IGSF21: variants seen among roughly 807,000 people sequenced by gnomAD.
IGSF21 encodes the protein immunoglobin superfamily member 21, also known as immunoglobulin superfamily member 21.
IGSF21 carries 28 observed loss-of-function variants against 46.8 expected under a neutral mutation model. The observed-to-expected ratio is 0.60, with a 90% CI of 0.44 to 0.82. The LOEUF is 0.82. IGSF21 is among the 40% of genes least tolerant of loss of function. The pLI, the probability that IGSF21 is intolerant of heterozygous loss-of-function variation, is 0.00. For missense variants in IGSF21, 624 were observed against 665.5 expected (o/e 0.94, Z 0.69); for synonymous variants, 284 against 273.6 (o/e 1.04, Z -0.38).
chr1:18,273,031 AGAC>A (rs1301629719), intron 2 of IGSF21, among the ~76,000 whole-genome samples: 1 of 115,284 alleles, frequency 8.7e-6, no homozygotes, highest in Non-Finnish European at 1.9e-5. Flanking sequence ...ACTAGCAGCC[AGAC>A]GGATCTTTTT....
At chr1:18,130,756 G>T (rs142918711) in intron 1 of IGSF21, among the ~76,000 whole-genome samples, 2,072 of 152,294 alleles carry the variant, frequency 0.014, 24 homozygotes, top group South Asian at 0.035. Flanking sequence ...GAAAAAAAAT[G>T]TTACCTGAGA....
intron 3 of IGSF21, among the ~76,000 whole-genome samples, chr1:18,304,893 A>G (rs2085396629): frequency 6.6e-6 from 1 of 152,252 alleles, no homozygotes; most frequent in Non-Finnish European, 1.5e-5. Context: ...ACAGTTCAGA[A>G]TAAAGTATTT....
At chr1:18,323,026 C>T (rs949542457) in intron 3 of IGSF21, among the ~76,000 whole-genome samples, 2 of 152,128 alleles carry the variant, frequency 1.3e-5, no homozygotes, top group Admixed American at 6.5e-5. Context: ...TCGGGACCAG[C>T]GACCCCATAT....
chr1:18,245,255 A>G (rs1403373367), intron 2 of IGSF21, among the ~76,000 whole-genome samples: 1 of 152,206 alleles, frequency 6.6e-6, no homozygotes, highest in East Asian at 1.9e-4. Flanking sequence ...GAATTTTTAT[A>G]AAGAAAAATT....
intron 1 of IGSF21, among the ~76,000 whole-genome samples, chr1:18,161,097 T>A (rs1466543989): frequency 6.6e-6 from 1 of 152,060 alleles, no homozygotes; most frequent in Non-Finnish European, 1.5e-5. Context: ...GCACTTGAGA[T>A]CAGCAAACTC....
chr1:18,262,789 G>C (rs2084957913), intron 2 of IGSF21, among the ~76,000 whole-genome samples: 1 of 152,174 alleles, frequency 6.6e-6, no homozygotes, highest in African/African-American at 2.4e-5. Flanking sequence ...CAGCCATCCA[G>C]AGGCAAGCTT....
rs141120536 is a variant in IGSF21, at chr1:18,286,090, C to T, written c.184-5776C>T. On this transcript the variant is annotated intron_variant, in intron 2 of 9. Transcript: ENST00000251296. ...TGAGTGGCAGAGCTGGGATCTGATT[C>T]CAGAGCTGTGTGACCCCAAAAGCCT... Among the ~76,000 whole-genome samples, 340 of 152,296 alleles carry T rather than the reference C, an allele frequency of 2.2e-3. 2 individuals carry two copies. Among genetic ancestry groups the T allele is most frequent in the African/African-American group, 7.5e-3 (312 of 41,564 alleles).
At chr1:18,236,931 T>G (rs567093811) in intron 2 of IGSF21, among the ~76,000 whole-genome samples, 2 of 151,962 alleles carry the variant, frequency 1.3e-5, no homozygotes, top group African/African-American at 2.4e-5. Context: ...CTAGCTAGAG[T>G]GGGCTGAGGG....
At chr1:18,206,018 G>C (rs1424268271) in intron 1 of IGSF21, among the ~76,000 whole-genome samples, 1 of 152,212 alleles carries the variant, frequency 6.6e-6, no homozygotes, top group Non-Finnish European at 1.5e-5. Context: ...GAACAAAATA[G>C]ACAAAACCCA....
chr1:18,206,079 T>C (rs575953041), intron 1 of IGSF21, among the ~76,000 whole-genome samples: 8 of 152,326 alleles, frequency 5.3e-5, no homozygotes, highest in African/African-American at 1.7e-4. Context: ...ATTTTAAATA[T>C]GGTGTCAGGC....
chr1:18,318,438 T>A (rs935499054), intron 3 of IGSF21, among the ~76,000 whole-genome samples: 1 of 151,010 alleles, frequency 6.6e-6, no homozygotes, highest in Non-Finnish European at 1.5e-5. Context: ...TCTCCACTGA[T>A]AGGGTGCATG....
chr1:18,222,801 A>G (rs1275435934), intron 1 of IGSF21, among the ~76,000 whole-genome samples: 1 of 152,130 alleles, frequency 6.6e-6, no homozygotes, highest in African/African-American at 2.4e-5. Flanking sequence ...GGCTGGGGGA[A>G]TATTAATTGG....
At chr1:18,317,903 G>A (rs2124590848) in intron 3 of IGSF21, among the ~76,000 whole-genome samples, 1 of 152,318 alleles carries the variant, frequency 6.6e-6, no homozygotes, top group Admixed American at 6.5e-5. Flanking sequence ...AGGAGATGGA[G>A]ACACAGAGTG....
chr1:18,338,980 G>A (rs1018505162), intron 4 of IGSF21, among the ~76,000 whole-genome samples: 6 of 152,148 alleles, frequency 3.9e-5, no homozygotes, highest in South Asian at 4.1e-4. Context: ...CATCCCCACC[G>A]AAGTTAAAAG....
At chr1:18,229,483 T>G (rs2084602669) in intron 2 of IGSF21, among the ~76,000 whole-genome samples, 1 of 152,204 alleles carries the variant, frequency 6.6e-6, no homozygotes, top group Admixed American at 6.5e-5. Context: ...TGATTCATGG[T>G]TTGCTTGTTG....
intron 2 of IGSF21, among the ~76,000 whole-genome samples, chr1:18,246,885 A>G (rs1038701503): frequency 5.3e-5 from 8 of 152,110 alleles, no homozygotes; most frequent in Non-Finnish European, 1.2e-4. Flanking sequence ...CTCAGGGAGA[A>G]GAGAGCGAAT....
intron 1 of IGSF21, among the ~76,000 whole-genome samples, chr1:18,192,070 G>T (rs1263585978): frequency 6.6e-6 from 1 of 152,202 alleles, no homozygotes; most frequent in Non-Finnish European, 1.5e-5. Context: ...GATGGCAGAA[G>T]AGCCCAGCCT....
At position 18,335,960 on chromosome 1, in the gene IGSF21, T is replaced by A. The variant is rs983593076; in HGVS notation, c.424+950T>A. Among the ~76,000 whole-genome samples the A allele has an allele frequency of 2.6e-5, 4 of 152,056 alleles. No homozygotes were observed. The highest frequency in any genetic ancestry group is 9.7e-5 in the African/African-American group (4 of 41,400). On this transcript the variant is annotated intron_variant, in intron 4 of 9. Coordinates refer to ENST00000251296, the MANE Select transcript of IGSF21 (RefSeq NM_032880.5). The surrounding 1 kb of genome is among the most constrained non-coding windows in gnomAD (Gnocchi z 4.8). ...CGCAGTTACTCATGCACCACTCAGC[T>A]CCTCTGATAAAGGAACTAGCAGCGT...
intron 4 of IGSF21, among the ~76,000 whole-genome samples, chr1:18,352,965 C>G (rs1011967612): frequency 4.6e-5 from 7 of 152,282 alleles, no homozygotes; most frequent in South Asian, 2.1e-4. Flanking sequence ...GGGCCCCCCA[C>G]CCCTCGCCAC....
Sources: gnomAD v4.1 joint callset for allele counts (sites outside exome capture counted in the v4.1 genomes callset) on GRCh38, gnomAD v4.1.1 for gene constraint, Gnocchi (gnomAD v3.1) non-coding constraint, MANE v1.5 for transcripts, NCBI Gene and HGNC (gene_info 2026-07-23, HGNC 2026-07-21) for gene names.